CSMD3: variants seen among roughly 807,000 people sequenced by gnomAD.
CSMD3 encodes CUB and sushi domain-containing protein 3.
Under a neutral mutation model 435.2 loss-of-function variants are expected in CSMD3, and 177 were observed. The ratio of observed to expected loss-of-function variants is 0.41; its 90% CI spans 0.36 to 0.46. The LOEUF (loss-of-function observed/expected upper bound fraction) is 0.46. Ranked by LOEUF, CSMD3 falls within the 20% of genes least tolerant of loss-of-function variation. CSMD3 has a pLI of 0.34. For missense variants in CSMD3, 4,265 were observed against 4,504.6 expected (o/e 0.95, Z 1.52); for synonymous variants, 1,656 against 1,520.5 (o/e 1.09, Z -2.07).
At chr8:112,497,851 T>C (rs1452122605) in intron 30 of CSMD3, among the ~76,000 whole-genome samples, 1 of 152,010 alleles carries the variant, frequency 6.6e-6, no homozygotes, top group Non-Finnish European at 1.5e-5. Flanking sequence ...CTGAAGACCC[T>C]GAAGTGGGCA....
At chr8:112,501,742 T>C (rs150386679) in intron 30 of CSMD3, among the ~76,000 whole-genome samples, 134 of 152,344 alleles carry the variant, frequency 8.8e-4, no homozygotes, top group African/African-American at 3.1e-3. Context: ...TGTAAAAGAA[T>C]GTTCATTTCA....
rs1812298366 is a variant in CSMD3, at chr8:112,223,138, G to A, written c.*1633C>T. 3 of 397,996 alleles carry A rather than the reference G, an allele frequency of 7.5e-6. No homozygotes were observed. The highest frequency in any genetic ancestry group is 2.5e-4 in the South Asian group (2 of 7,860). The allele number at this position is 397,996 out of a possible 1,614,324, so 24.7% of individuals were successfully genotyped here. ...CATTAATGAATGAATCATTGTTATTGCAGTCATTTGAATAAACAAGAATAA... is the reference window on the plus strand; with the variant it reads ...CATTAATGAATGAATCATTGTTATTACAGTCATTTGAATAAACAAGAATAA... On this transcript the variant is annotated 3_prime_UTR_variant, in exon 71 of 71. Coordinates refer to ENST00000297405, the MANE Select transcript of CSMD3 (RefSeq NM_198123.2).
intron 4 of CSMD3, among the ~76,000 whole-genome samples, chr8:113,129,680 G>A (rs147688776): frequency 2.0e-5 from 3 of 152,242 alleles, no homozygotes; most frequent in Admixed American, 6.5e-5. Context: ...ATCATGGAGA[G>A]AGCCAGCTAT....
chr8:113,087,934 G>C (rs1429727218), intron 5 of CSMD3, among the ~76,000 whole-genome samples: 4,742 of 151,626 alleles, frequency 0.031, 89 homozygotes, highest in Non-Finnish European at 0.052. Context: ...CCTACAAAAT[G>C]GGAGAAAATT....
intron 59 of CSMD3, among the ~76,000 whole-genome samples, chr8:112,280,394 C>T (rs984614290): frequency 6.6e-6 from 1 of 152,020 alleles, no homozygotes; most frequent in Non-Finnish European, 1.5e-5. Context: ...TCTCAGCCTC[C>T]TGAGTACCTG....
intron 38 of CSMD3, among the ~76,000 whole-genome samples, chr8:112,361,374 T>C (rs1359345950): frequency 6.6e-6 from 1 of 151,622 alleles, no homozygotes; most frequent in African/African-American, 2.4e-5. Flanking sequence ...TGCAGGCAGT[T>C]ACCCTGGCTG....
At chr8:112,596,914 G>A (rs1297480629) in intron 22 of CSMD3, among the ~76,000 whole-genome samples, 1 of 151,074 alleles carries the variant, frequency 6.6e-6, no homozygotes, top group Non-Finnish European at 1.5e-5. Flanking sequence ...AGAGAAAGCA[G>A]GAAAGATCCA....
intron 13 of CSMD3, among the ~76,000 whole-genome samples, chr8:112,736,162 A>T (rs930810160): frequency 6.6e-6 from 1 of 152,034 alleles, no homozygotes; most frequent in Non-Finnish European, 1.5e-5. Flanking sequence ...CTTTTTGATT[A>T]GTTAAATGCC....
At chr8:112,672,560 T>C (rs1385903885) in intron 16 of CSMD3, among the ~76,000 whole-genome samples, 1 of 151,986 alleles carries the variant, frequency 6.6e-6, no homozygotes, top group Non-Finnish European at 1.5e-5. Context: ...ACACAGGAAA[T>C]TTAAGGGATG....
rs775254048 is a variant in CSMD3 at position 112,556,758 on chromosome 8, C to T, written c.4234+5G>A. On this transcript the variant is annotated splice_donor_5th_base_variant and intron_variant, in intron 25 of 70. Transcript: ENST00000297405. ...ATTCAATGAAAATCTATGACAGTAT[C>T]CTACCAATACAGGAAGGCAGAGGAT... is the stretch of plus-strand genomic sequence containing the variant. 24 of 1,599,324 alleles carry T rather than the reference C, an allele frequency of 1.5e-5. No individual in the cohort carries two copies. The highest frequency in any genetic ancestry group is 1.9e-5 in the Non-Finnish European group (22 of 1,167,276).
chr8:113,360,408 G>T lies in CSMD3; in HGVS notation c.179-45615C>A, dbSNP rs2094264671. On this transcript the variant is annotated intron_variant, in intron 1 of 70. Coordinates refer to ENST00000297405, the MANE Select transcript of CSMD3 (RefSeq NM_198123.2). The stretch of plus-strand genomic sequence containing the variant: ...GGACATATCAAGAAACTTGCACAGG[G>T]TTTACATACATTGATTTATTTTGTT... 2.0e-5 allele frequency among the ~76,000 whole-genome samples: 3 copies of T among 151,874 alleles called. No individual in the cohort carries two copies. In the South Asian group the frequency reaches 6.2e-4, roughly 32 times the overall value.
chr8:112,749,254 G>T (rs958473485), intron 13 of CSMD3, among the ~76,000 whole-genome samples: 2 of 152,050 alleles, frequency 1.3e-5, no homozygotes, highest in Admixed American at 6.6e-5. Flanking sequence ...CTTTTAAGAT[G>T]CATAGCTTGC....
intron 6 of CSMD3, among the ~76,000 whole-genome samples, chr8:112,978,630 T>C (rs1475651459): frequency 6.6e-6 from 1 of 151,852 alleles, no homozygotes; most frequent in Non-Finnish European, 1.5e-5. Flanking sequence ...TGGGACAGTG[T>C]TTAAGGTTGA....
intron 38 of CSMD3, among the ~76,000 whole-genome samples, chr8:112,370,650 A>T (rs1828300697): frequency 6.6e-6 from 1 of 152,170 alleles, no homozygotes; most frequent in Non-Finnish European, 1.5e-5. Flanking sequence ...CAAATGTCAC[A>T]GTCTCCATAA....
intron 35 of CSMD3, among the ~76,000 whole-genome samples, chr8:112,396,731 A>G (rs950308955): frequency 6.6e-6 from 1 of 152,208 alleles, no homozygotes; most frequent in Non-Finnish European, 1.5e-5. Flanking sequence ...CAATATAGTG[A>G]CAATGGAAAG....
chr8:112,337,275 T>C (rs1047122113), intron 43 of CSMD3, among the ~76,000 whole-genome samples: 2 of 152,130 alleles, frequency 1.3e-5, no homozygotes, highest in African/African-American at 4.8e-5. Flanking sequence ...CAAACCCACA[T>C]GCACCCCCTT....
At chr8:113,254,875 T>G (rs1181750271) in intron 3 of CSMD3, among the ~76,000 whole-genome samples, 2 of 152,302 alleles carry the variant, frequency 1.3e-5, no homozygotes, top group East Asian at 3.9e-4. Context: ...TCATCATGAA[T>G]CACACTTGGC....
intron 13 of CSMD3, among the ~76,000 whole-genome samples, chr8:112,713,735 C>A (rs536134552): frequency 4.2e-4 from 64 of 152,326 alleles, no homozygotes; most frequent in African/African-American, 1.4e-3. Flanking sequence ...TCAGCAGAAA[C>A]CCTGCAAGCC....
chr8:112,859,116 T>A, intron 11 of CSMD3, 29 bp downstream of exon 11: 1 of 1,600,712 alleles, frequency 6.2e-7, no homozygotes, highest in Non-Finnish European at 8.6e-7. Flanking sequence ...TATGACTTTT[T>A]TTTTAAATCA....
Sources: allele counts gnomAD v4.1 joint callset (sites outside exome capture counted in the v4.1 genomes callset), GRCh38; gene constraint gnomAD v4.1.1; transcripts MANE v1.5; gene names NCBI Gene and HGNC (gene_info 2026-07-23, HGNC 2026-07-21).